Variants in DNAJC13 observed in about 807,000 individuals in gnomAD.
The protein encoded by DNAJC13 is dnaJ homolog subfamily C member 13.
A neutral mutation model predicts 290.5 loss-of-function variants in DNAJC13; 75 were observed. That is an observed-to-expected ratio of 0.26 (90% CI 0.21 to 0.31). DNAJC13 has a LOEUF of 0.31. Among genes scored for constraint, DNAJC13 ranks in the 10% least tolerant of loss-of-function variants. The pLI, the probability that DNAJC13 is intolerant of heterozygous loss-of-function variation, is 1.00. For missense variants in DNAJC13, 2,260 were observed against 2,674.5 expected, an observed-to-expected ratio of 0.85 and a Z score of 3.42; for synonymous variants, 862 against 892.0, an observed-to-expected ratio of 0.97 and a Z score of 0.60.
chr3:132,460,135 A>G (rs1211473293), intron 13 of DNAJC13, 115 bp from the exon 14 acceptor site: 12 of 585,532 alleles, frequency 2.0e-5, no homozygotes, highest in South Asian at 1.7e-4. Context: ...CTTTAAAGGC[A>G]ATGGTTTTTA....
At position 132,505,291 on chromosome 3, in the gene DNAJC13, T is replaced by C. The variant is rs780318368; in HGVS notation, c.4885-11T>C. The C allele has an allele frequency of 2.0e-6, 3 of 1,522,268 alleles. No individual in the cohort carries two copies. The highest frequency in any genetic ancestry group is 2.8e-5 in the African/African-American group (2 of 72,512). 94.3% of individuals were successfully genotyped at this position (1,522,268 alleles called of 1,614,324 possible). ...CACTAAATGTTATAAAACGGTAATATTGTCTCCTAGATTTTGAAGATGCTT... is the reference window on the plus strand; with the variant it reads ...CACTAAATGTTATAAAACGGTAATACTGTCTCCTAGATTTTGAAGATGCTT... On this transcript the variant is annotated splice_polypyrimidine_tract_variant and intron_variant, in intron 41 of 55. Coordinates refer to ENST00000260818, the MANE Select transcript of DNAJC13 (RefSeq NM_015268.4).
chr3:132,491,667 A>G (rs1349178932), intron 32 of DNAJC13, among the ~76,000 whole-genome samples: 1 of 152,116 alleles, frequency 6.6e-6, no homozygotes, highest in African/African-American at 2.4e-5. Context: ...AAGACTTGAT[A>G]CTTCATATTT....
chr3:132,454,129 C>T lies in DNAJC13; in HGVS notation c.904C>T (p.Gln302Ter). The T allele has an allele frequency of 6.2e-7, 1 of 1,605,762 alleles. No individual in the cohort carries two copies. The highest frequency in any genetic ancestry group is 8.5e-7 in the Non-Finnish European group (1 of 1,177,196). The change falls in exon 9 of 56, where the codon CAA becomes TAA. Residue 302 changes from glutamine to a stop codon, truncating the protein, a stop_gained. Transcript: ENST00000260818. LOFTEE classifies it high-confidence loss of function. ...QLFTIEFIKG[Q>*]VRKYSSTERD... ...TTTTACCATTGAATTTATAAAAGGG[C>T]AAGTACGGAAATATTCTTCAACAGA...
chr3:132,524,503 G>A (rs557621363), intron 51 of DNAJC13, among the ~76,000 whole-genome samples: 2 of 152,230 alleles, frequency 1.3e-5, no homozygotes, highest in Admixed American at 6.5e-5. Flanking sequence ...TGAGGCAGAG[G>A]TTCTGATGAG....
At chr3:132,448,815 T>A (rs1933331567) in intron 5 of DNAJC13, among the ~76,000 whole-genome samples, 1 of 152,172 alleles carries the variant, frequency 6.6e-6, no homozygotes, top group Non-Finnish European at 1.5e-5. Flanking sequence ...CAGCAGCGTT[T>A]AAAAATAGTT....
At chr3:132,528,367 A>C (rs1260500372) in intron 54 of DNAJC13, 35 bp downstream of exon 54, 1 of 1,611,358 alleles carries the variant, frequency 6.2e-7, no homozygotes, top group East Asian at 2.2e-5. Context: ...TGATATTCTA[A>C]AAGCCAGGGT....
intron 5 of DNAJC13, among the ~76,000 whole-genome samples, chr3:132,449,659 A>G (rs558618213): frequency 1.1e-4 from 17 of 152,296 alleles, no homozygotes; most frequent in Non-Finnish European, 2.1e-4. Flanking sequence ...GGAGGTGTTC[A>G]TTACTTAGTG....
chr3:132,521,345 C>T (rs971078908), intron 48 of DNAJC13, among the ~76,000 whole-genome samples: 4 of 151,994 alleles, frequency 2.6e-5, no homozygotes, highest in Non-Finnish European at 4.4e-5. Context: ...CCCAGGAGTT[C>T]GAGGTTGCAG....
chr3:132,484,709 A>C, intron 29 of DNAJC13, 37 bp downstream of exon 29: 1 of 1,537,492 alleles, frequency 6.5e-7, no homozygotes, highest in Middle Eastern at 1.7e-4. Flanking sequence ...AATTTTAAGA[A>C]TCATTTTCTC....
intron 48 of DNAJC13, among the ~76,000 whole-genome samples, chr3:132,520,205 G>A (rs1354745546): frequency 2.6e-5 from 4 of 152,086 alleles, no homozygotes; most frequent in Non-Finnish European, 5.9e-5. Context: ...TACAAATATT[G>A]AGCTCTTCTG....
intron 54 of DNAJC13, among the ~76,000 whole-genome samples, chr3:132,529,361 C>T (rs1311025261): frequency 6.6e-6 from 1 of 152,160 alleles, no homozygotes; most frequent in Non-Finnish European, 1.5e-5. Flanking sequence ...ATTTCCCCTA[C>T]TAATGTTCCA....
chr3:132,484,017 A>C (rs1559891218), intron 28 of DNAJC13, among the ~76,000 whole-genome samples: 1 of 152,238 alleles, frequency 6.6e-6, no homozygotes, highest in South Asian at 2.1e-4. Context: ...TAACACTTGC[A>C]TGTAACTTTT....
At chr3:132,507,676 C>T (rs1490218309) in intron 43 of DNAJC13, among the ~76,000 whole-genome samples, 4 of 152,186 alleles carry the variant, frequency 2.6e-5, no homozygotes, top group South Asian at 2.1e-4. Flanking sequence ...TACATAAGAT[C>T]GTGAAGTTCA....
rs578257006 is a variant in DNAJC13, at chr3:132,457,084, C to T, written c.1350-185C>T. Among the ~76,000 whole-genome samples, 3 of 152,098 alleles carry T rather than the reference C, an allele frequency of 2.0e-5. No homozygotes were observed. The South Asian group carries it at 6.2e-4, about 32-fold the overall frequency. The stretch of plus-strand genomic sequence containing the variant: ...TTACATGCCTTTTAGTTTTAGTTAA[C>T]CCTAAAAAATATTTTCCCTCTCAAA... On this transcript the variant is annotated intron_variant, in intron 12 of 55. Coordinates refer to ENST00000260818, the MANE Select transcript of DNAJC13 (RefSeq NM_015268.4).
chr3:132,473,382 T>C (rs1053965154), intron 21 of DNAJC13, among the ~76,000 whole-genome samples, 155 bp downstream of exon 21: 2 of 152,212 alleles, frequency 1.3e-5, no homozygotes, highest in African/African-American at 4.8e-5. Flanking sequence ...TTGGGGTGAC[T>C]AGAGATGCTC....
intron 27 of DNAJC13, among the ~76,000 whole-genome samples, chr3:132,483,165 C>T (rs1201935064): frequency 6.6e-6 from 1 of 152,038 alleles, no homozygotes; most frequent in Non-Finnish European, 1.5e-5. Flanking sequence ...TTATGCTCTG[C>T]AGGCTGGCCA....
At chr3:132,454,192 T>G (rs756154616) in intron 9 of DNAJC13, 35 bp downstream of exon 9, 1 of 1,478,484 alleles carries the variant, frequency 6.8e-7, no homozygotes, top group South Asian at 1.2e-5. Context: ...GAAATCCTAG[T>G]TGTGCAAGGC....
chr3:132,496,717 CT>C, intron 36 of DNAJC13, 54 bp downstream of exon 36: 1 of 1,495,624 alleles, frequency 6.7e-7, no homozygotes, highest in Non-Finnish European at 9.0e-7. Context: ...CTTATCACAG[CT>C]AACCCTATAC....
At chr3:132,535,329 G>A (rs1248291938) in intron 55 of DNAJC13, among the ~76,000 whole-genome samples, 3 of 152,202 alleles carry the variant, frequency 2.0e-5, no homozygotes, top group Non-Finnish European at 2.9e-5. Flanking sequence ...AAATTTAAAT[G>A]AGACTGCCTA....
Sources: allele counts gnomAD v4.1 joint callset (sites outside exome capture counted in the v4.1 genomes callset), GRCh38; gene constraint gnomAD v4.1.1; transcripts MANE v1.5; gene names NCBI Gene and HGNC (gene_info 2026-07-23, HGNC 2026-07-21).